Variants in TSPAN16 observed in about 807,000 individuals in gnomAD.
TSPAN16 encodes tetraspanin-16.
Under a neutral mutation model 25.2 loss-of-function variants are expected in TSPAN16, and 23 were observed. The observed-to-expected ratio is 0.91, with a 90% CI of 0.66 to 1.29. The LOEUF (loss-of-function observed/expected upper bound fraction) is 1.29. Ranked by LOEUF, TSPAN16 falls within the 50% of genes most tolerant of loss-of-function variation. The probability of loss-of-function intolerance (pLI) is 0.00; values close to 1 mark genes in which losing one functional copy is unlikely to be tolerated. For synonymous variants in TSPAN16, 123 were observed against 124.4 expected (o/e 0.99, Z 0.08); for missense variants, 272 against 299.9 (o/e 0.91, Z 0.69).
intron 6 of TSPAN16, among the ~76,000 whole-genome samples, chr19:11,312,762 C>CA (rs1405477998): frequency 6.0e-5 from 9 of 150,322 alleles, no homozygotes; most frequent in Admixed American, 2.7e-4. Context: ...GATCATGTCA[C>CA]AAAAAAAGAT....
intron 5 of TSPAN16, among the ~76,000 whole-genome samples, chr19:11,307,038 C>CTCCTGAG: frequency 6.6e-6 from 1 of 151,958 alleles, no homozygotes; most frequent in Non-Finnish European, 1.5e-5. Context: ...TGGTCTCGAA[C>CTCCTGAG]CTCAGGTGAT....
At chr19:11,317,491 CT>C (rs1364158917), downstream of TSPAN16, among the ~76,000 whole-genome samples, 1 of 150,804 alleles carries the variant, frequency 6.6e-6, no homozygotes, top group African/African-American at 2.5e-5. Flanking sequence ...AATTTTTTTT[CT>C]TTTTTCTTTT....
chr19:11,314,551 T>G (rs2080725455), intron 6 of TSPAN16, among the ~76,000 whole-genome samples: 1 of 152,098 alleles, frequency 6.6e-6, no homozygotes, highest in Non-Finnish European at 1.5e-5. Context: ...TTTATAATAT[T>G]GAATATGTAC....
At chr19:11,319,626 C>CA (rs913244717), downstream of TSPAN16, among the ~76,000 whole-genome samples, 15 of 150,926 alleles carry the variant, frequency 9.9e-5, no homozygotes, top group South Asian at 4.2e-4. Flanking sequence ...CAAAACAAAA[C>CA]AAAAAAACAA....
At chr19:11,324,853 G>C (rs1285414109) in intron 6 of TSPAN16, 1 of 152,544 alleles carries the variant, frequency 6.6e-6, no homozygotes, top group East Asian at 1.9e-4. Context: ...GGGTCAAAGG[G>C]ATCACCATCC....
chr19:11,298,013 C>A (rs1215640668), intron 1 of TSPAN16, 129 bp from the exon 2 acceptor site: 1 of 909,086 alleles, frequency 1.1e-6, no homozygotes, highest in Non-Finnish European at 1.7e-6. Context: ...TCTTGAACTC[C>A]TGGGCTCAAG....
chr19:11,320,576 A>G (rs117956697), downstream of TSPAN16, among the ~76,000 whole-genome samples: 2,269 of 151,818 alleles, frequency 0.015, 51 homozygotes, highest in East Asian at 0.075. Context: ...AGGAGGCTGA[A>G]GTGGGAGGAT....
At chr19:11,325,578 C>T in intron 6 of TSPAN16, 1 of 1,608,500 alleles carries the variant, frequency 6.2e-7, no homozygotes, top group Non-Finnish European at 8.5e-7. Context: ...CTTCAAAGAA[C>T]TCGAAACCTG....
rs1279856415 is a variant in TSPAN16, at chr19:11,315,677, C to A, written c.688-114C>A. 3 of 832,970 alleles carry A rather than the reference C, an allele frequency of 3.6e-6. No homozygotes were observed. In the African/African-American group the frequency reaches 5.3e-5, roughly 15 times the overall value. The allele number at this position is 832,970 out of a possible 1,614,324, so 51.6% of individuals were successfully genotyped here. A position where few individuals can be genotyped will look rare whatever the true frequency, so the allele number is the denominator to read the frequency against. ...GCGGTTCTTCAGCCATCTGTAAAAC[C>A]CTGCCCCTCGCCTTTCTGGAACAGG... On this transcript the variant is annotated intron_variant, in intron 6 of 6. Transcript: ENST00000590327.
At position 11,298,269 on chromosome 19, in the gene TSPAN16, G is replaced by A; in HGVS notation, c.197G>A (p.Cys66Tyr). 6.2e-7 allele frequency: 1 copy of A among 1,614,150 alleles called. No homozygotes were observed. The highest frequency in any genetic ancestry group is 8.5e-7 in the Non-Finnish European group (1 of 1,180,020). The change falls in exon 2 of 7, where the codon TGC (cysteine) becomes TAC (tyrosine). Residue 66 changes from cysteine to tyrosine, a missense_variant. By Grantham distance (194) the Cys-to-Tyr change is radical. Transcript: ENST00000590327. ...HVGNLCLVMG[C>Y]ITVLLGCAGW... ...GGCAACCTGTGCCTGGTGATGGGAT[G>A]CATCACGGTACTGCTTGGCTGTGCC... is the stretch of plus-strand genomic sequence containing the variant.
At chr19:11,318,838 G>A (rs1326484325), downstream of TSPAN16, among the ~76,000 whole-genome samples, 1 of 151,902 alleles carries the variant, frequency 6.6e-6, no homozygotes, top group Admixed American at 6.6e-5. Context: ...GTAGAGACGG[G>A]GTTTTGCCAT....
At chr19:11,296,637 G>T (rs1262214502) in intron 1 of TSPAN16, among the ~76,000 whole-genome samples, 1 of 152,226 alleles carries the variant, frequency 6.6e-6, no homozygotes, top group Non-Finnish European at 1.5e-5. Context: ...AAATCCTGTA[G>T]CCGACCAAGT....
At chr19:11,310,043 T>C (rs1307358340) in intron 5 of TSPAN16, among the ~76,000 whole-genome samples, 1 of 151,818 alleles carries the variant, frequency 6.6e-6, no homozygotes, top group Non-Finnish European at 1.5e-5. Flanking sequence ...AGTTCAAGGC[T>C]GCAGTGAGCT....
exon 7 of TSPAN16, chr19:11,326,869 C>A: frequency 1.6e-6 from 1 of 623,870 alleles, no homozygotes; most frequent in South Asian, 1.8e-5. Flanking sequence ...CTAGGCCTCC[C>A]AAAGTGCTGG....
chr19:11,325,989 G>C (rs1396008626), intron 6 of TSPAN16, among the ~76,000 whole-genome samples: 1 of 152,114 alleles, frequency 6.6e-6, no homozygotes, highest in East Asian at 1.9e-4. Flanking sequence ...GGGAGGCCGA[G>C]GCGGGAGGAT....
chr19:11,315,522 C>T (rs985184800), intron 6 of TSPAN16, among the ~76,000 whole-genome samples: 13 of 151,034 alleles, frequency 8.6e-5, no homozygotes, highest in African/African-American at 3.2e-4. Flanking sequence ...CGCCACTGCA[C>T]TCCAGCCTGG....
rs1312588386 is a variant in TSPAN16, at chr19:11,298,345, T to G, written c.267+6T>G. 8 of 1,613,154 alleles carry G rather than the reference T, an allele frequency of 5.0e-6. No individual in the cohort carries two copies. In the African/African-American group the frequency reaches 9.3e-5, roughly 19 times the overall value. On this transcript the variant is annotated splice_donor_region_variant and intron_variant, in intron 2 of 6. Coordinates refer to ENST00000590327, the MANE Select transcript of TSPAN16 (RefSeq NM_001282509.2). Reference sequence around the variant, plus strand: ...GCAGAGGCACGCTCTTGTTTGTAAGTTGGATCTGCACACAGACCCCAGAAC... The same window carrying G: ...GCAGAGGCACGCTCTTGTTTGTAAGGTGGATCTGCACACAGACCCCAGAAC...
Position 11,301,303 on chromosome 19 carries a change from GAGA to G in TSPAN16, c.448_450del (p.Lys150del), listed in dbSNP as rs1166844695. 1 of 1,613,180 alleles carries G rather than the reference GAGA, an allele frequency of 6.2e-7. No homozygotes were observed. ...TTCTACACAGTGGAACTTGGTCATGGAGAAGGTGAGGCTTACTTAAAAAAAAAA... is the reference window on the plus strand; with the variant it reads ...TTCTACACAGTGGAACTTGGTCATGGAGGTGAGGCTTACTTAAAAAAAAAA... On this transcript the variant is annotated inframe_deletion and splice_region_variant, in exon 4 of 7. Coordinates refer to ENST00000590327, the MANE Select transcript of TSPAN16 (RefSeq NM_001282509.2).
Position 11,298,340 on chromosome 19 carries a change from G to A in TSPAN16, c.267+1G>A. On this transcript the variant is annotated splice_donor_variant, in intron 2 of 6. Transcript: ENST00000590327. LOFTEE classifies it high-confidence loss of function. ...AGAGAGCAGAGGCACGCTCTTGTTT[G>A]TAAGTTGGATCTGCACACAGACCCC... 1 of 1,613,344 alleles carries A rather than the reference G, an allele frequency of 6.2e-7. No homozygotes were observed. The highest frequency in any genetic ancestry group is 8.5e-7 in the Non-Finnish European group (1 of 1,179,900).
Sources: allele counts gnomAD v4.1 joint callset (sites outside exome capture counted in the v4.1 genomes callset), GRCh38; gene constraint gnomAD v4.1.1; transcripts MANE v1.5; gene names NCBI Gene and HGNC (gene_info 2026-07-23, HGNC 2026-07-21).